SLC16A2: variants seen among roughly 807,000 people sequenced by gnomAD.
SLC16A2 encodes the protein solute carrier family 16 member 2.
SLC16A2 carries 3 observed loss-of-function variants against 27.2 expected under a neutral mutation model. The observed-to-expected ratio is 0.11, with a 90% CI of 0.05 to 0.28. The LOEUF (loss-of-function observed/expected upper bound fraction) is 0.28. Among genes scored for constraint, SLC16A2 ranks in the 10% least tolerant of loss-of-function variants. SLC16A2 has a pLI of 1.00. For synonymous variants in SLC16A2, 202 were observed against 187.8 expected, an observed-to-expected ratio of 1.08 and a Z score of -0.62; for missense variants, 295 against 458.5, an observed-to-expected ratio of 0.64 and a Z score of 3.26.
Position 74,421,563 on chromosome X carries a change from A to T in SLC16A2, c.-75A>T. ...CAGCAGCAGCCCTCCGAGCAGCAGC[A>T]GCTGCAGCAGCAGAAACAAGTACCA... On this transcript the variant is annotated 5_prime_UTR_variant, in exon 1 of 6. Transcript: ENST00000587091. 2 of 1,128,146 alleles carry T rather than the reference A, an allele frequency of 1.8e-6. No homozygotes were observed. The highest frequency in any genetic ancestry group is 2.3e-5 in the Admixed American group (1 of 42,957). 93.0% of individuals were successfully genotyped at this position (1,128,146 alleles called of 1,213,427 possible). A position where few individuals can be genotyped will look rare whatever the true frequency, so the allele number is the denominator to read the frequency against.
chrX:74,506,791 ATTAGGACTCCAAAGATCGGGGT>A (rs367964211), intron 1 of SLC16A2, among the ~76,000 whole-genome samples: 3 of 111,184 alleles, frequency 2.7e-5, no homozygotes, highest in African/African-American at 9.8e-5. Context: ...GGAGCACAGG[ATTAGGACTCCAAAGATCGGGGT>A]TTTTATCCTG....
chrX:74,451,472 G>C (rs780532196), intron 1 of SLC16A2, among the ~76,000 whole-genome samples: 1 of 112,462 alleles, frequency 8.9e-6, no homozygotes, highest in South Asian at 3.7e-4. Flanking sequence ...GACTGTGTGA[G>C]ATTATTCAGA....
chrX:74,430,465 A>T (rs1440052614), intron 1 of SLC16A2, among the ~76,000 whole-genome samples: 5 of 112,008 alleles, frequency 4.5e-5, no homozygotes, highest in African/African-American at 1.6e-4. Flanking sequence ...CAAAAGATTG[A>T]TAGTCTCATG....
At chrX:74,465,396 G>A (rs1929233346) in intron 1 of SLC16A2, among the ~76,000 whole-genome samples, 1 of 110,698 alleles carries the variant, frequency 9.0e-6, no homozygotes, top group Non-Finnish European at 1.9e-5. Flanking sequence ...GGCAGAGAAA[G>A]GCAGGGGCAG....
chrX:74,513,997 A>C (rs1602138579), intron 1 of SLC16A2, among the ~76,000 whole-genome samples: 1 of 112,078 alleles, frequency 8.9e-6, no homozygotes, highest in East Asian at 2.8e-4. Flanking sequence ...GAATTACTTC[A>C]TTTTTAAAAA....
chrX:74,494,894 G>T (rs1022655309), intron 1 of SLC16A2, among the ~76,000 whole-genome samples: 2 of 111,178 alleles, frequency 1.8e-5, no homozygotes, highest in Non-Finnish European at 3.8e-5. Context: ...TCTACCTCCA[G>T]AAAGGTGAGG....
At chrX:74,526,018 G>A (rs1930482671) in intron 4 of SLC16A2, 125 bp downstream of exon 4, 2 of 798,860 alleles carry the variant, frequency 2.5e-6, no homozygotes, top group South Asian at 2.3e-5. Flanking sequence ...AATTCTCTGA[G>A]CCTCCATTTC....
At chrX:74,523,728 C>G (rs1930446012) in intron 2 of SLC16A2, among the ~76,000 whole-genome samples, 1 of 111,950 alleles carries the variant, frequency 8.9e-6, no homozygotes, top group East Asian at 2.8e-4. Flanking sequence ...GACTCCTTAC[C>G]TAATGATTCC....
At chrX:74,453,639 C>T (rs995460608) in intron 1 of SLC16A2, among the ~76,000 whole-genome samples, 3 of 110,817 alleles carry the variant, frequency 2.7e-5, no homozygotes, top group African/African-American at 9.9e-5. Flanking sequence ...AGTGGCTATT[C>T]ATAGGCACAA....
intron 4 of SLC16A2, among the ~76,000 whole-genome samples, chrX:74,526,780 C>G (rs1215453955): frequency 2.7e-5 from 3 of 112,790 alleles, no homozygotes; most frequent in African/African-American, 9.7e-5. Context: ...TGACCAAGGT[C>G]AAACCAAGAG....
intron 1 of SLC16A2, among the ~76,000 whole-genome samples, chrX:74,447,581 G>A (rs768733781): frequency 9.1e-6 from 1 of 110,215 alleles, no homozygotes; most frequent in Non-Finnish European, 1.9e-5. Flanking sequence ...AGGCTGGGGT[G>A]AGAGGATCAC....
At chrX:74,422,244 C>A (rs979642465) in intron 1 of SLC16A2, among the ~76,000 whole-genome samples, 177 bp downstream of exon 1, 1 of 111,580 alleles carries the variant, frequency 9.0e-6, no homozygotes, top group African/African-American at 3.3e-5. Context: ...GTGCGGGTTG[C>A]GGGGCTTTGG....
chrX:74,518,363 G>A (rs1369909116), intron 1 of SLC16A2, among the ~76,000 whole-genome samples: 3 of 111,866 alleles, frequency 2.7e-5, no homozygotes, highest in Non-Finnish European at 5.6e-5. Flanking sequence ...GGAGACTGAG[G>A]CAGGTGGATC....
At chrX:74,501,725 C>T (rs1930040191) in intron 1 of SLC16A2, among the ~76,000 whole-genome samples, 1 of 111,424 alleles carries the variant, frequency 9.0e-6, no homozygotes, top group Admixed American at 9.5e-5. Flanking sequence ...CTCAGCGACT[C>T]TCTTCAAAGT....
intron 1 of SLC16A2, among the ~76,000 whole-genome samples, chrX:74,501,323 C>T (rs902234011): frequency 2.7e-5 from 3 of 111,145 alleles, no homozygotes; most frequent in African/African-American, 6.5e-5. Flanking sequence ...TGTAGTATGC[C>T]CAGAACAGTT....
intron 1 of SLC16A2, among the ~76,000 whole-genome samples, chrX:74,452,660 A>G (rs1928964774): frequency 9.0e-6 from 1 of 111,464 alleles, no homozygotes; most frequent in Non-Finnish European, 1.9e-5. Context: ...TGATGTATAC[A>G]TATACATTAT....
chrX:74,513,006 C>T (rs1344999084), intron 1 of SLC16A2, among the ~76,000 whole-genome samples: 7 of 111,218 alleles, frequency 6.3e-5, no homozygotes, highest in Admixed American at 1.9e-4. Flanking sequence ...GCCTTGTTAC[C>T]GCTGAGAGGG....
intron 1 of SLC16A2, among the ~76,000 whole-genome samples, chrX:74,464,789 G>A (rs941070772): frequency 9.0e-5 from 10 of 111,122 alleles, no homozygotes; most frequent in Non-Finnish European, 1.1e-4. Flanking sequence ...GAGGCTGAGC[G>A]GGGAGGATCA....
chrX:74,432,312 T>G (rs749398955), intron 1 of SLC16A2, among the ~76,000 whole-genome samples: 1 of 111,364 alleles, frequency 9.0e-6, no homozygotes, highest in Non-Finnish European at 1.9e-5. Flanking sequence ...TCCTTTGTAT[T>G]CAGCTTTGGA....
Sources: allele counts gnomAD v4.1 joint callset (sites outside exome capture counted in the v4.1 genomes callset), GRCh38; gene constraint gnomAD v4.1.1; transcripts MANE v1.5; gene names NCBI Gene and HGNC (gene_info 2026-07-23, HGNC 2026-07-21).